The following ITPR1 variants were observed in gnomAD, a reference collection of about 807,000 sequenced individuals.
ITPR1 encodes the protein inositol 1,4,5-trisphosphate receptor type 1.
ITPR1 carries 96 observed loss-of-function variants against 318.4 expected under a neutral mutation model. That is an observed-to-expected ratio of 0.30 (90% CI 0.26 to 0.36). ITPR1 has a LOEUF of 0.36. Among genes scored for constraint, ITPR1 ranks in the 10% least tolerant of loss-of-function variants. ITPR1 has a pLI of 1.00. For synonymous variants in ITPR1, 1,312 were observed against 1,289.9 expected (o/e 1.02, Z -0.37); for missense variants, 2,440 against 3,460.2 (o/e 0.71, Z 7.40).
At chr3:4,724,924 A>G (rs2042401645) in intron 40 of ITPR1, among the ~76,000 whole-genome samples, 1 of 152,158 alleles carries the variant, frequency 6.6e-6, no homozygotes, top group Non-Finnish European at 1.5e-5. Context: ...GGGGTGGGAA[A>G]CTCATCTCCA....
chr3:4,667,624 C>A, intron 18 of ITPR1, 75 bp downstream of exon 18: 1 of 1,398,316 alleles, frequency 7.2e-7, no homozygotes, highest in Non-Finnish European at 9.7e-7. Context: ...GTGCTTTTTA[C>A]TACGTTTCCT....
chr3:4,744,164 C>A (rs2043911799), intron 44 of ITPR1, among the ~76,000 whole-genome samples: 2 of 152,194 alleles, frequency 1.3e-5, no homozygotes, highest in Admixed American at 6.5e-5. Context: ...GAGATGTCTT[C>A]AGAGAGAACC....
chr3:4,603,036 G>C (rs1360391033), intron 4 of ITPR1, among the ~76,000 whole-genome samples: 1 of 152,026 alleles, frequency 6.6e-6, no homozygotes, highest in Non-Finnish European at 1.5e-5. Context: ...AAATGTTCAA[G>C]CTTACTGGTA....
intron 4 of ITPR1, among the ~76,000 whole-genome samples, chr3:4,585,627 G>A (rs1054805800): frequency 6.6e-6 from 1 of 151,922 alleles, no homozygotes; most frequent in Non-Finnish European, 1.5e-5. Context: ...AGTAGAGACG[G>A]CATTTCAGCA....
intron 4 of ITPR1, 76 bp downstream of exon 4, chr3:4,521,170 T>A (rs1575398098): frequency 2.1e-6 from 2 of 973,194 alleles, no homozygotes; most frequent in East Asian, 4.9e-5. Context: ...GGTGTGTGTG[T>A]GTGTTTATAA....
At chr3:4,686,959 A>G (rs1178629042) in intron 30 of ITPR1, among the ~76,000 whole-genome samples, 2 of 152,192 alleles carry the variant, frequency 1.3e-5, no homozygotes, top group Non-Finnish European at 2.9e-5. Context: ...AATCCCCATT[A>G]TGTTGTCCTG....
At chr3:4,610,305 G>A (rs1464255355) in intron 4 of ITPR1, among the ~76,000 whole-genome samples, 1 of 152,046 alleles carries the variant, frequency 6.6e-6, no homozygotes, top group Non-Finnish European at 1.5e-5. Flanking sequence ...GATGACACTC[G>A]GGGACCAGGT....
Position 4,811,502 on chromosome 3 carries a change from A to T in ITPR1, c.7468+42A>T, listed in dbSNP as rs565533398. The stretch of plus-strand genomic sequence containing the variant: ...CTGATCTTTTTAATGCTAAAAGATT[A>T]TTTCCTGATTATAACTGAACTAAAG... On this transcript the variant is annotated intron_variant, in intron 56 of 61. Transcript: ENST00000649015. The T allele has an allele frequency of 4.1e-5, 60 of 1,479,932 alleles. No homozygotes were observed. In the South Asian group the frequency reaches 5.9e-4, roughly 15 times the overall value. The allele number at this position is 1,479,932 out of a possible 1,614,324, so 91.7% of individuals were successfully genotyped here. A position where few individuals can be genotyped will look rare whatever the true frequency, so the allele number is the denominator to read the frequency against.
intron 44 of ITPR1, 35 bp downstream of exon 44, chr3:4,735,389 C>T: frequency 6.4e-7 from 1 of 1,559,526 alleles, no homozygotes. Flanking sequence ...TATGGCATCC[C>T]TGCTGAGCAG....
intron 20 of ITPR1, 115 bp downstream of exon 20, chr3:4,671,041 T>C (rs749307576): frequency 2.6e-5 from 20 of 763,732 alleles, no homozygotes; most frequent in South Asian, 1.4e-4. Flanking sequence ...TCTTGTAAGA[T>C]TGTCTAGAAA....
intron 2 of ITPR1, among the ~76,000 whole-genome samples, chr3:4,498,809 CTA>C (rs2080800821): frequency 6.6e-6 from 1 of 152,132 alleles, no homozygotes; most frequent in African/African-American, 2.4e-5. Context: ...CAACACAAAC[CTA>C]TGTCTTACCG....
At chr3:4,626,943 G>A (rs1354760350) in intron 4 of ITPR1, among the ~76,000 whole-genome samples, 1 of 152,062 alleles carries the variant, frequency 6.6e-6, no homozygotes, top group African/African-American at 2.4e-5. Flanking sequence ...CTCAGCCACT[G>A]GAGTAGCTGG....
intron 42 of ITPR1, among the ~76,000 whole-genome samples, chr3:4,731,772 C>G (rs1351227128): frequency 1.3e-5 from 2 of 152,164 alleles, no homozygotes; most frequent in Non-Finnish European, 1.5e-5. Flanking sequence ...TCACGTTTCC[C>G]AGGGTCCCTG....
At chr3:4,741,381 T>C (rs1029978837) in intron 44 of ITPR1, among the ~76,000 whole-genome samples, 1 of 152,214 alleles carries the variant, frequency 6.6e-6, no homozygotes, top group Non-Finnish European at 1.5e-5. Flanking sequence ...CCCACGTCTA[T>C]TCCTATGCCA....
chr3:4,736,380 C>T (rs1315541866), intron 44 of ITPR1, among the ~76,000 whole-genome samples: 2 of 152,238 alleles, frequency 1.3e-5, no homozygotes, highest in Admixed American at 6.5e-5. Context: ...AGTGTGCCCC[C>T]GGCCAGGGTG....
At chr3:4,796,955 C>G (rs1164191663) in intron 53 of ITPR1, among the ~76,000 whole-genome samples, 4 of 152,152 alleles carry the variant, frequency 2.6e-5, no homozygotes, top group Non-Finnish European at 4.4e-5. Flanking sequence ...TCTTGCCCAT[C>G]CAAGCTTGAG....
intron 4 of ITPR1, among the ~76,000 whole-genome samples, chr3:4,613,228 C>G (rs2092236986): frequency 6.6e-6 from 1 of 152,190 alleles, no homozygotes; most frequent in African/African-American, 2.4e-5. Context: ...AGTCCTTTGT[C>G]AGTCTTCCAC....
At chr3:4,828,100 G>A (rs904903779) in intron 60 of ITPR1, among the ~76,000 whole-genome samples, 1 of 152,108 alleles carries the variant, frequency 6.6e-6, no homozygotes, top group Admixed American at 6.5e-5. Context: ...CGTTGAAGCA[G>A]CTTATTGGTG....
At chr3:4,755,121 C>A (rs915085316) in intron 44 of ITPR1, among the ~76,000 whole-genome samples, 10 of 151,718 alleles carry the variant, frequency 6.6e-5, no homozygotes, top group Non-Finnish European at 1.5e-4. Context: ...ACAGTGGTTG[C>A]CAGTAGCCTG....
Sources: allele counts gnomAD v4.1 joint callset (sites outside exome capture counted in the v4.1 genomes callset), GRCh38; gene constraint gnomAD v4.1.1; transcripts MANE v1.5; gene names NCBI Gene and HGNC (gene_info 2026-07-23, HGNC 2026-07-21).